IRAG1: variants seen among roughly 807,000 people sequenced by gnomAD.
The protein encoded by IRAG1 is IP3R-associated cGMP kinase substrate.
A neutral mutation model predicts 106.2 loss-of-function variants in IRAG1; 62 were observed. That is an observed-to-expected ratio of 0.58 (90% CI 0.48 to 0.72). The LOEUF (loss-of-function observed/expected upper bound fraction) is 0.72, where lower values mean the gene tolerates loss of function less well. Ranked by LOEUF, IRAG1 falls within the 30% of genes least tolerant of loss-of-function variation. IRAG1 has a pLI of 0.00. For synonymous variants in IRAG1, 462 were observed against 443.9 expected (o/e 1.04, Z -0.51); for missense variants, 1,064 against 1,140.7 (o/e 0.93, Z 0.97).
At chr11:10,611,374 A>G (rs950164727) in intron 10 of IRAG1, among the ~76,000 whole-genome samples, 4 of 152,166 alleles carry the variant, frequency 2.6e-5, no homozygotes, top group African/African-American at 9.6e-5. Flanking sequence ...TATCCCTACC[A>G]CACTCAACAG....
In IRAG1 at chr11:10,690,372, A is replaced by T; in HGVS notation, c.67+3164T>A. ...TGGGTGACAGTGCGAGACCCTGTCT[A>T]AAAAAAAAAAAAATGTTTCCTGTCC... On this transcript the variant is annotated intron_variant, in intron 1 of 20. Transcript: ENST00000423302. The T allele has an allele frequency of 4.6e-6, 1 of 215,336 alleles. No individual in the cohort carries two copies. The highest frequency in any genetic ancestry group is 7.0e-6 in the Non-Finnish European group (1 of 142,250). 13.3% of individuals were successfully genotyped at this position (215,336 alleles called of 1,614,324 possible).
At chr11:10,583,784 G>C (rs1463077337) in intron 18 of IRAG1, among the ~76,000 whole-genome samples, 1 of 152,150 alleles carries the variant, frequency 6.6e-6, no homozygotes, top group African/African-American at 2.4e-5. Flanking sequence ...CTCCTTGTTT[G>C]TAACAAAGGT....
intron 1 of IRAG1, among the ~76,000 whole-genome samples, chr11:10,654,521 T>C (rs1379511944): frequency 6.6e-6 from 1 of 152,214 alleles, no homozygotes; most frequent in Non-Finnish European, 1.5e-5. Context: ...GAGTCATTCA[T>C]TCTTTCACTG....
At chr11:10,629,802 T>C in intron 4 of IRAG1, 91 bp from the exon 5 acceptor site, 2 of 1,363,182 alleles carry the variant, frequency 1.5e-6, no homozygotes, top group Non-Finnish European at 2.0e-6. Flanking sequence ...CCAGGGACTC[T>C]GCCCACAGCT....
intron 1 of IRAG1, among the ~76,000 whole-genome samples, chr11:10,689,357 A>G (rs1040149938): frequency 1.3e-4 from 20 of 152,186 alleles, no homozygotes; most frequent in Admixed American, 4.6e-4. Flanking sequence ...CGGTCAACCT[A>G]CCTCAAATAG....
intron 4 of IRAG1, among the ~76,000 whole-genome samples, chr11:10,631,615 C>G (rs548595672): frequency 3.3e-5 from 5 of 152,310 alleles, no homozygotes; most frequent in African/African-American, 1.2e-4. Context: ...CGTGAGCCAC[C>G]ATCTGGGGAT....
chr11:10,685,961 A>G (rs1861633609), intron 1 of IRAG1, among the ~76,000 whole-genome samples: 1 of 152,056 alleles, frequency 6.6e-6, no homozygotes, highest in African/African-American at 2.4e-5. Context: ...CCAAACTACA[A>G]CGGGGACCAG....
At chr11:10,593,318 C>T (rs1028697951) in intron 17 of IRAG1, 174 bp downstream of exon 17, 6 of 527,490 alleles carry the variant, frequency 1.1e-5, no homozygotes, top group Non-Finnish European at 2.0e-5. Flanking sequence ...TAGTAGAATA[C>T]ATGCAGCCTG....
chr11:10,614,229 G>A (rs1855212305), intron 10 of IRAG1, among the ~76,000 whole-genome samples: 1 of 152,046 alleles, frequency 6.6e-6, no homozygotes, highest in African/African-American at 2.4e-5. Flanking sequence ...CACACATCCT[G>A]CTATTAGGGA....
At chr11:10,649,740 G>A (rs1450895534) in intron 2 of IRAG1, among the ~76,000 whole-genome samples, 1 of 152,142 alleles carries the variant, frequency 6.6e-6, no homozygotes, top group Admixed American at 6.5e-5. Context: ...CCACAATGGG[G>A]GGAGGGTTCC....
Position 10,633,894 on chromosome 11 carries a change from T to G in IRAG1, c.329+74A>C, listed in dbSNP as rs773923385. ...TACAAGAAAAAAGAAAAGATTTATT[T>G]AAAAATATAGCTGTCTGATCCTCAT... On this transcript the variant is annotated intron_variant, in intron 3 of 20. Coordinates refer to ENST00000423302, the MANE Select transcript of IRAG1 (RefSeq NM_130385.4). The G allele has an allele frequency of 1.3e-4, 102 of 800,654 alleles. 1 individual carries two copies. Among genetic ancestry groups the G allele is most frequent in the South Asian group, 2.6e-4 (10 of 38,432 alleles). The allele number at this position is 800,654 out of a possible 1,614,324, so 49.6% of individuals were successfully genotyped here. A position where few individuals can be genotyped will look rare whatever the true frequency, so the allele number is the denominator to read the frequency against.
At position 10,647,655 on chromosome 11, in the gene IRAG1, G is replaced by A. The variant is rs1858074387; in HGVS notation, c.225+4370C>T. Among the ~76,000 whole-genome samples, 1 of 152,160 alleles carries A rather than the reference G, an allele frequency of 6.6e-6. No homozygotes were observed. The highest frequency in any genetic ancestry group is 2.4e-5 in the African/African-American group (1 of 41,438). On this transcript the variant is annotated intron_variant, in intron 2 of 20. Coordinates refer to ENST00000423302, the MANE Select transcript of IRAG1 (RefSeq NM_130385.4). This position sits in a 1 kb window ranked among gnomAD's most constrained non-coding sequence, Gnocchi z 4.3. ...CCTCTTTGTACCCTCAGGTTTACAAGGCACTTCAGAGGATGCTGCACTGTC... is the reference window on the plus strand; with the variant it reads ...CCTCTTTGTACCCTCAGGTTTACAAAGCACTTCAGAGGATGCTGCACTGTC...
At chr11:10,653,215 A>G (rs1164337926) in intron 1 of IRAG1, among the ~76,000 whole-genome samples, 1 of 152,186 alleles carries the variant, frequency 6.6e-6, no homozygotes, top group South Asian at 2.1e-4. Flanking sequence ...GGAAAGCCAG[A>G]CAGAATCTAA....
chr11:10,660,337 C>T (rs1281152172), intron 1 of IRAG1, among the ~76,000 whole-genome samples: 2 of 152,144 alleles, frequency 1.3e-5, no homozygotes, highest in Admixed American at 6.5e-5. Flanking sequence ...ATTATCTATG[C>T]TCTTCTGAAG....
intron 1 of IRAG1, among the ~76,000 whole-genome samples, chr11:10,686,620 C>T (rs1861675439): frequency 6.6e-6 from 1 of 152,060 alleles, no homozygotes; most frequent in African/African-American, 2.4e-5. Context: ...GGGCTTTGTT[C>T]TTATAGGGGC....
chr11:10,642,729 C>T (rs1030430349), intron 2 of IRAG1, among the ~76,000 whole-genome samples: 21 of 152,212 alleles, frequency 1.4e-4, no homozygotes, highest in African/African-American at 2.2e-4. Context: ...ATAATAATGA[C>T]GGTGAAAGTG....
chr11:10,638,216 T>C (rs1243345432), intron 2 of IRAG1, among the ~76,000 whole-genome samples: 1 of 152,222 alleles, frequency 6.6e-6, no homozygotes, highest in African/African-American at 2.4e-5. Flanking sequence ...ATTCCATAAT[T>C]GTAAGAATTC....
intron 1 of IRAG1, among the ~76,000 whole-genome samples, chr11:10,673,112 G>A (rs552605749): frequency 2.0e-5 from 3 of 152,134 alleles, no homozygotes; most frequent in South Asian, 4.2e-4. Context: ...GTAAAATCCC[G>A]TCTCTACTAA....
At chr11:10,603,372 G>A in intron 13 of IRAG1, 121 bp from the exon 14 acceptor site, 2 of 1,119,688 alleles carry the variant, frequency 1.8e-6, no homozygotes, top group Non-Finnish European at 2.5e-6. Flanking sequence ...CAAACCTGGT[G>A]GGGGCGATGG....
Sources: allele counts gnomAD v4.1 joint callset (sites outside exome capture counted in the v4.1 genomes callset), GRCh38; gene constraint gnomAD v4.1.1; non-coding constraint Gnocchi (gnomAD v3.1); transcripts MANE v1.5; gene names NCBI Gene and HGNC (gene_info 2026-07-23, HGNC 2026-07-21).